The following GEMIN5 variants were observed in gnomAD, a reference collection of about 807,000 sequenced individuals.
GEMIN5 encodes gem-associated protein 5.
In GEMIN5, 124 loss-of-function variants were observed where a neutral mutation model predicts 176.9. The ratio of observed to expected loss-of-function variants is 0.70; its 90% confidence interval spans 0.61 to 0.81. GEMIN5 has a LOEUF of 0.81. GEMIN5 is among the 40% of genes least tolerant of loss of function. GEMIN5 has a pLI of 0.00. For synonymous variants in GEMIN5, 673 were observed against 665.2 expected (o/e 1.01, Z -0.18); for missense variants, 1,843 against 1,814.6 (o/e 1.02, Z -0.28).
intron 19 of GEMIN5, 80 bp from the exon 20 acceptor site, chr5:154,902,756 G>A: frequency 1.4e-6 from 2 of 1,431,056 alleles, no homozygotes; most frequent in South Asian, 1.2e-5. Context: ...AGGCAAGATA[G>A]AAGAGAAAGT....
chr5:154,891,466 G>A lies in GEMIN5; in HGVS notation c.4037C>T (p.Thr1346Ile). The A allele has an allele frequency of 6.2e-7, 1 of 1,614,146 alleles. No homozygotes were observed. The highest frequency in any genetic ancestry group is 8.5e-7 in the Non-Finnish European group (1 of 1,180,030). Reference protein sequence around the residue: ...NRPSELDLRLTEEGERMLSTF... With the variant: ...NRPSELDLRLIEEGERMLSTF... ...ACTCAGCATTCGCTCACCTTCTTCT[G>A]TGAGTCTCAAGTCTAGTTCTGAAGG... Residue 1346 changes from threonine (T) to isoleucine (I), a missense_variant, in exon 26 of 28, where the codon ACA becomes ATA. Coordinates refer to ENST00000285873, the MANE Select transcript of GEMIN5 (RefSeq NM_015465.5).
intron 26 of GEMIN5, among the ~76,000 whole-genome samples, chr5:154,890,839 C>A (rs1193505194): frequency 6.6e-6 from 1 of 152,180 alleles, no homozygotes; most frequent in Non-Finnish European, 1.5e-5. Flanking sequence ...TTTTGACTCA[C>A]TGCAACCTCT....
chr5:154,916,661 T>C (rs1763816291), intron 13 of GEMIN5, among the ~76,000 whole-genome samples: 1 of 152,108 alleles, frequency 6.6e-6, no homozygotes, highest in Admixed American at 6.6e-5. Context: ...AAATTTGTTT[T>C]TTATTTTCAA....
intron 9 of GEMIN5, among the ~76,000 whole-genome samples, chr5:154,922,408 C>A (rs1041351164): frequency 1.3e-5 from 2 of 152,122 alleles, no homozygotes; most frequent in African/African-American, 4.8e-5. Context: ...ACCTCGTGAT[C>A]TGCCCGCGTC....
At chr5:154,937,004 G>C in intron 2 of GEMIN5, 21 bp downstream of exon 2, 1 of 1,594,668 alleles carries the variant, frequency 6.3e-7, no homozygotes, top group East Asian at 2.2e-5. Context: ...AACGGTTTGA[G>C]AAACCAGTAA....
chr5:154,907,481 C>T, intron 16 of GEMIN5, 110 bp downstream of exon 16: 1 of 652,964 alleles, frequency 1.5e-6, no homozygotes. Flanking sequence ...ATGCTGTTTC[C>T]AAGAGTTGGA....
Position 154,926,006 on chromosome 5 carries a change from G to A in GEMIN5, c.1149C>T (p.Tyr383=), listed in dbSNP as rs754559712. The change falls in exon 8 of 28, where the codon TAC becomes TAT. Residue 383 remains tyrosine, a synonymous_variant. Coordinates refer to ENST00000285873, the MANE Select transcript of GEMIN5 (RefSeq NM_015465.5). ...TGTCCACAGAAGAGAAAGCCAGGCTGTATGCAAACCCACCAAGGGAAGGAA... is the reference window on the plus strand; with the variant it reads ...TGTCCACAGAAGAGAAAGCCAGGCTATATGCAAACCCACCAAGGGAAGGAA... ...WTLPSLGGFA[Y]SLAFSSVDIG... 9.3e-6 allele frequency: 15 copies of A among 1,613,506 alleles called. No homozygotes were observed. The South Asian group carries it at 1.4e-4, about 15-fold the overall frequency.
chr5:154,913,182 C>T (rs1452276741), intron 13 of GEMIN5, 144 bp from the exon 14 acceptor site: 9 of 667,696 alleles, frequency 1.3e-5, no homozygotes, highest in South Asian at 4.4e-5. Context: ...GATGGAGTTT[C>T]GCTCTTGTTG....
chr5:154,915,326 G>A (rs1763788111), intron 13 of GEMIN5, among the ~76,000 whole-genome samples: 1 of 152,158 alleles, frequency 6.6e-6, no homozygotes, highest in African/African-American at 2.4e-5. Context: ...ATGGCTGAGA[G>A]CACATGTTTT....
At chr5:154,905,975 G>A (rs1360532221) in intron 16 of GEMIN5, among the ~76,000 whole-genome samples, 1 of 151,472 alleles carries the variant, frequency 6.6e-6, no homozygotes, top group African/African-American at 2.4e-5. Flanking sequence ...ACAGGCGTGA[G>A]CCACCGCTCC....
chr5:154,888,787 T>C (rs1763160456), intron 27 of GEMIN5, among the ~76,000 whole-genome samples: 1 of 152,254 alleles, frequency 6.6e-6, no homozygotes, highest in South Asian at 2.1e-4. Context: ...AAATTACTTG[T>C]GTGATCGATA....
chr5:154,938,184 G>C lies in GEMIN5; in HGVS notation c.-51C>G. ...AAGCTGCCACAGCCGACCGCTCGTA[G>C]CCTCACGCCTTAGGTAGGGAGCGGG... On this transcript the variant is annotated 5_prime_UTR_variant, in exon 1 of 28. Coordinates refer to ENST00000285873, the MANE Select transcript of GEMIN5 (RefSeq NM_015465.5). 1 of 1,294,878 alleles carries C rather than the reference G, an allele frequency of 7.7e-7. No homozygotes were observed. The highest frequency in any genetic ancestry group is 9.9e-7 in the Non-Finnish European group (1 of 1,007,332). 80.2% of individuals were successfully genotyped at this position (1,294,878 alleles called of 1,614,324 possible). A position where few individuals can be genotyped will look rare whatever the true frequency, so the allele number is the denominator to read the frequency against.
Position 154,907,517 on chromosome 5 carries a change from C to A in GEMIN5, c.2395+74G>T, listed in dbSNP as rs1561716172. 5 of 984,094 alleles carry A rather than the reference C, an allele frequency of 5.1e-6. No homozygotes were observed. In the East Asian group the frequency reaches 1.4e-4, roughly 27 times the overall value. The allele number at this position is 984,094 out of a possible 1,614,324, so 61.0% of individuals were successfully genotyped here. ...AAAATGGGAACAGCGAAGTTTCAAA[C>A]TGAGTAAGGACCTAGCTTAGTTTCC... On this transcript the variant is annotated intron_variant, in intron 16 of 27. Transcript: ENST00000285873.
intron 7 of GEMIN5, among the ~76,000 whole-genome samples, chr5:154,927,163 C>G (rs981627780): frequency 6.6e-6 from 1 of 152,120 alleles, no homozygotes; most frequent in Non-Finnish European, 1.5e-5. Flanking sequence ...AACTACCCTT[C>G]TTTATTATGT....
intron 3 of GEMIN5, 24 bp from the exon 4 acceptor site, chr5:154,932,274 T>A: frequency 6.4e-7 from 1 of 1,561,206 alleles, no homozygotes. Flanking sequence ...GTTAGAAATA[T>A]TACTAAAAAA....
At position 154,904,964 on chromosome 5, in the gene GEMIN5, G is replaced by A. The variant is rs535729808; in HGVS notation, c.2510-335C>T. Among the ~76,000 whole-genome samples, 13 of 152,044 alleles carry A rather than the reference G, an allele frequency of 8.6e-5. No homozygotes were observed. The East Asian group carries it at 1.7e-3, about 20-fold the overall frequency. On this transcript the variant is annotated intron_variant, in intron 17 of 27. Transcript: ENST00000285873. ...TCCCAGCACTTTGGGAGGCTGAGGCGGGCGGATCACTGGAGGCCAGCAGTT... is the reference window on the plus strand; with the variant it reads ...TCCCAGCACTTTGGGAGGCTGAGGCAGGCGGATCACTGGAGGCCAGCAGTT...
intron 15 of GEMIN5, among the ~76,000 whole-genome samples, chr5:154,910,615 T>C (rs776947078): frequency 1.3e-5 from 2 of 152,160 alleles, no homozygotes; most frequent in Non-Finnish European, 2.9e-5. Flanking sequence ...TTGCTTAATA[T>C]ATTTTGTCTA....
At position 154,927,472 on chromosome 5, in the gene GEMIN5, T is replaced by C. The variant is rs1333186512; in HGVS notation, c.993A>G (p.Gln331=). ...YTLFSASSEG[Q]NHSRIVFNLC... Reference sequence around the variant, plus strand: ...AATTAAACACAATTCTTGAATGATTTTGCCCTTCTGATGAGGCACTGAAGA... The same window carrying C: ...AATTAAACACAATTCTTGAATGATTCTGCCCTTCTGATGAGGCACTGAAGA... Residue 331 remains glutamine (Q), a synonymous_variant, in exon 7 of 28, where the codon CAA becomes CAG. Coordinates refer to ENST00000285873, the MANE Select transcript of GEMIN5 (RefSeq NM_015465.5). The C allele has an allele frequency of 7.5e-6, 12 of 1,607,006 alleles. No homozygotes were observed. Among genetic ancestry groups the C allele is most frequent in the Non-Finnish European group, 1.0e-5 (12 of 1,173,588 alleles).
At chr5:154,931,641 A>C in intron 4 of GEMIN5, 64 bp from the exon 5 acceptor site, 1 of 1,361,846 alleles carries the variant, frequency 7.3e-7, no homozygotes, top group Non-Finnish European at 1.0e-6. Context: ...TAAAAAAATT[A>C]GTTTGCAAGA....
Sources: gnomAD v4.1 joint callset for allele counts (sites outside exome capture counted in the v4.1 genomes callset) on GRCh38, gnomAD v4.1.1 for gene constraint, MANE v1.5 for transcripts, NCBI Gene and HGNC (gene_info 2026-07-23, HGNC 2026-07-21) for gene names.